ADAMTS2: variants seen among roughly 807,000 people sequenced by gnomAD.
ADAMTS2 encodes ADAM metallopeptidase with thrombospondin type 1 motif 2, also known as A disintegrin and metalloproteinase with thrombospondin motifs 2.
ADAMTS2 carries 50 observed loss-of-function variants against 123.0 expected under a neutral mutation model. The observed-to-expected ratio is 0.41, with a 90% CI of 0.32 to 0.51. The LOEUF is 0.51. ADAMTS2 is among the 20% of genes least tolerant of loss of function. The probability of loss-of-function intolerance (pLI) is 0.35; values close to 1 mark genes in which losing one functional copy is unlikely to be tolerated. For missense variants in ADAMTS2, 1,494 were observed against 1,705.2 expected, an observed-to-expected ratio of 0.88 and a Z score of 2.18; for synonymous variants, 678 against 695.4, an observed-to-expected ratio of 0.98 and a Z score of 0.39.
At chr5:179,229,306 CGAGACCCCGCTGCCCACTCCACAAACAT>C (rs1298388690) in intron 3 of ADAMTS2, among the ~76,000 whole-genome samples, 34 of 144,548 alleles carry the variant, frequency 2.4e-4, no homozygotes, top group Admixed American at 2.8e-4. Context: ...TCCACAAACA[CGAGACCCCGCTGCCCACTCCACAAACAT>C]GAGACCCCGC....
intron 2 of ADAMTS2, 121 bp downstream of exon 2, chr5:179,343,646 G>C: frequency 2.9e-6 from 4 of 1,369,288 alleles, no homozygotes; most frequent in Admixed American, 2.0e-5. Context: ...ACTAAAGCAC[G>C]GGAAGGGCGC....
Position 179,181,042 on chromosome 5 carries a change from G to A in ADAMTS2, c.975+30C>T, listed in dbSNP as rs1764035975. ...AGGCCCCTCACTCCGAGGGGGTGGAGGCAGGCCCGGCTGGCCACAGTGCAC... is the reference window on the plus strand; with the variant it reads ...AGGCCCCTCACTCCGAGGGGGTGGAAGCAGGCCCGGCTGGCCACAGTGCAC... On this transcript the variant is annotated intron_variant, in intron 5 of 21. Coordinates refer to ENST00000251582, the MANE Select transcript of ADAMTS2 (RefSeq NM_014244.5). This position sits in a 1 kb window ranked among gnomAD's most constrained non-coding sequence, Gnocchi z 4.1. The A allele has an allele frequency of 1.3e-6, 2 of 1,582,894 alleles. No individual in the cohort carries two copies. The highest frequency in any genetic ancestry group is 1.7e-6 in the Non-Finnish European group (2 of 1,152,154).
intron 5 of ADAMTS2, among the ~76,000 whole-genome samples, chr5:179,171,157 A>T (rs1448953344): frequency 6.6e-6 from 1 of 152,184 alleles, no homozygotes; most frequent in Non-Finnish European, 1.5e-5. Context: ...GTACGGAAGT[A>T]TTGGTCTGTG....
At chr5:179,154,941 C>T (rs1458728724) in intron 6 of ADAMTS2, 22 bp from the exon 7 acceptor site, 2 of 1,602,968 alleles carry the variant, frequency 1.2e-6, no homozygotes, top group African/African-American at 1.3e-5. Flanking sequence ...CAAGAGGCGG[C>T]TCCAGATGCT....
rs778184902 is a variant in ADAMTS2, at chr5:179,121,718, C to G, written c.3121G>C (p.Val1041Leu). The G allele has an allele frequency of 5.7e-6, 9 of 1,591,882 alleles. No homozygotes were observed. The highest frequency in any genetic ancestry group is 1.4e-5 in the African/African-American group (1 of 73,964). The change falls in exon 21 of 22, where the codon GTA becomes CTA. Residue 1041 changes from valine (V) to leucine (L), a missense_variant. This residue lies in a region of ADAMTS2 where 953 missense variants were observed against 1,124.7 expected (regional missense o/e 0.85). Transcript: ENST00000251582. ...NISDPSKKSY[V>L]VQWLSRPDPD... ...TCCGGGCGGGACAGCCACTGAACTA[C>G]GTAGCTCTTCTTGGAGGGATCTGAG...
rs533059375 is a variant in ADAMTS2 at position 179,117,831 on chromosome 5, C to T, written c.3179-3507G>A. Among the ~76,000 whole-genome samples the T allele has an allele frequency of 5.3e-5, 8 of 152,138 alleles. No individual in the cohort carries two copies. The highest frequency in any genetic ancestry group is 2.1e-4 in the South Asian group (1 of 4,816). On this transcript the variant is annotated intron_variant, in intron 21 of 21. Transcript: ENST00000251582. This position sits in a 1 kb window ranked among gnomAD's most constrained non-coding sequence, Gnocchi z 4.2. ...GATTACAGGTGTAAGCCACTGTGCCCGGCCCATGCATTTCTTATCTGTGGC... is the reference window on the plus strand; with the variant it reads ...GATTACAGGTGTAAGCCACTGTGCCTGGCCCATGCATTTCTTATCTGTGGC...
intron 2 of ADAMTS2, among the ~76,000 whole-genome samples, chr5:179,318,654 A>C (rs1254940334): frequency 6.6e-6 from 1 of 152,184 alleles, no homozygotes; most frequent in African/African-American, 2.4e-5. Context: ...CCATGAGACC[A>C]CAGAGAGGCA....
At chr5:179,278,751 C>T (rs1444938940) in intron 2 of ADAMTS2, among the ~76,000 whole-genome samples, 1 of 151,992 alleles carries the variant, frequency 6.6e-6, no homozygotes, top group Admixed American at 6.5e-5. Flanking sequence ...CCTTCAGGTG[C>T]CACCGCAGGG....
intron 3 of ADAMTS2, among the ~76,000 whole-genome samples, chr5:179,235,775 T>C (rs145991141): frequency 9.7e-4 from 148 of 152,330 alleles, no homozygotes; most frequent in Non-Finnish European, 1.7e-3. Flanking sequence ...TGGGCCCCCA[T>C]GAACCATGTG....
intron 2 of ADAMTS2, among the ~76,000 whole-genome samples, chr5:179,323,580 C>T (rs1561745789): frequency 6.6e-6 from 1 of 152,244 alleles, no homozygotes; most frequent in Admixed American, 6.5e-5. Flanking sequence ...GAAAAGAGAA[C>T]ACTTCAACTT....
intron 3 of ADAMTS2, among the ~76,000 whole-genome samples, chr5:179,227,441 C>T (rs1335188998): frequency 6.6e-6 from 1 of 152,178 alleles, no homozygotes; most frequent in Non-Finnish European, 1.5e-5. Context: ...CAAGGCCCAG[C>T]TGTGATCTGG....
intron 3 of ADAMTS2, among the ~76,000 whole-genome samples, chr5:179,271,508 G>C (rs561618726): frequency 1.3e-5 from 2 of 152,230 alleles, no homozygotes; most frequent in Non-Finnish European, 2.9e-5. Context: ...CCCGGGTCTG[G>C]AGCACTCGCT....
rs1375125419 is a variant in ADAMTS2 at position 179,345,057 on chromosome 5, A to G, written c.139+133T>C. 1.4e-6 allele frequency: 1 copy of G among 705,244 alleles called. No homozygotes were observed. The highest frequency in any genetic ancestry group is 1.8e-6 in the Non-Finnish European group (1 of 563,146). 43.7% of individuals were successfully genotyped at this position (705,244 alleles called of 1,614,324 possible). On this transcript the variant is annotated intron_variant, in intron 1 of 21. Coordinates refer to ENST00000251582, the MANE Select transcript of ADAMTS2 (RefSeq NM_014244.5). The surrounding 1 kb of genome is among the most constrained non-coding windows in gnomAD (Gnocchi z 7.5). ...ACCAACCCGGCCCCGAAGTTGGCCA[A>G]CTTGGCCCCGGGCGGGGCGCGCGGA...
Position 179,197,803 on chromosome 5 carries a change from G to C in ADAMTS2, c.891+9710C>G, listed in dbSNP as rs771943184. On this transcript the variant is annotated intron_variant, in intron 4 of 21. Coordinates refer to ENST00000251582, the MANE Select transcript of ADAMTS2 (RefSeq NM_014244.5). This position sits in a 1 kb window ranked among gnomAD's most constrained non-coding sequence, Gnocchi z 4.2. ...TGCCTCCCATTTACCTGAGCCTGCA[G>C]AAGAGTCCCTGTCTGTACCTGGGGA... Among the ~76,000 whole-genome samples, 26 of 152,332 alleles carry C rather than the reference G, an allele frequency of 1.7e-4. No individual in the cohort carries two copies. Among genetic ancestry groups the C allele is most frequent in the Non-Finnish European group, 3.7e-4 (25 of 68,036 alleles).
rs1002864658 is a variant in ADAMTS2 at position 179,307,247 on chromosome 5, G to C, written c.535-34183C>G. ...GCCATCTGCCCCAGCAGTGCTGTGA[G>C]AGCATCGCACCCTGCAAGCCTCAGC... is the stretch of plus-strand genomic sequence containing the variant. On this transcript the variant is annotated intron_variant, in intron 2 of 21. Coordinates refer to ENST00000251582, the MANE Select transcript of ADAMTS2 (RefSeq NM_014244.5). The surrounding 1 kb of genome is among the most constrained non-coding windows in gnomAD (Gnocchi z 5.6). Among the ~76,000 whole-genome samples, 48 of 152,150 alleles carry C rather than the reference G, an allele frequency of 3.2e-4. No homozygotes were observed. Among genetic ancestry groups the C allele is most frequent in the African/African-American group, 1.1e-3 (46 of 41,440 alleles).
intron 3 of ADAMTS2, among the ~76,000 whole-genome samples, chr5:179,209,886 T>C (rs1383518316): frequency 2.0e-5 from 3 of 152,208 alleles, no homozygotes; most frequent in East Asian, 1.9e-4. Flanking sequence ...GCAATTTCCA[T>C]AGGAAAACTC....
At chr5:179,226,170 A>C (rs911520797) in intron 3 of ADAMTS2, among the ~76,000 whole-genome samples, 13 of 151,966 alleles carry the variant, frequency 8.6e-5, no homozygotes, top group African/African-American at 2.7e-4. Flanking sequence ...TCAGAAAAGA[A>C]AAGACAGCAG....
rs977804870 is a variant in ADAMTS2 at position 179,314,174 on chromosome 5, G to A, written c.534+29593C>T. On this transcript the variant is annotated intron_variant, in intron 2 of 21. Transcript: ENST00000251582. The surrounding 1 kb of genome is among the most constrained non-coding windows in gnomAD (Gnocchi z 4.5). ...GCGCAGCCTGGGAGCACACAGACCG[G>A]CCAGGGCCAGGGCCAGGACTGGCAT... Among the ~76,000 whole-genome samples, 1 of 152,244 alleles carries A rather than the reference G, an allele frequency of 6.6e-6. No individual in the cohort carries two copies. Among genetic ancestry groups the A allele is most frequent in the Non-Finnish European group, 1.5e-5 (1 of 68,032 alleles).
In ADAMTS2 at chr5:179,130,942, T is replaced by C. The variant is rs1361484260; in HGVS notation, c.2291-844A>G. 1.3e-5 allele frequency among the ~76,000 whole-genome samples: 2 copies of C among 152,164 alleles called. No homozygotes were observed. The highest frequency in any genetic ancestry group is 2.9e-5 in the Non-Finnish European group (2 of 68,034). The stretch of plus-strand genomic sequence containing the variant: ...GCGTTGGGACAGAAATGTCTTTTTG[T>C]TCAGAAACTGACTTTTCTGTTCACC... On this transcript the variant is annotated intron_variant, in intron 15 of 21. Transcript: ENST00000251582. This position sits in a 1 kb window ranked among gnomAD's most constrained non-coding sequence, Gnocchi z 4.3.
Sources: allele counts gnomAD v4.1 joint callset (sites outside exome capture counted in the v4.1 genomes callset), GRCh38; gene constraint gnomAD v4.1.1; regional missense constraint gnomAD v4.1.1; non-coding constraint Gnocchi (gnomAD v3.1); transcripts MANE v1.5; gene names NCBI Gene and HGNC (gene_info 2026-07-23, HGNC 2026-07-21).